Variants in PAFAH2 observed in about 807,000 individuals in gnomAD.
The protein encoded by PAFAH2 is platelet-activating factor acetylhydrolase 2, cytoplasmic.
A neutral mutation model predicts 49.0 loss-of-function variants in PAFAH2; 42 were observed. The observed-to-expected ratio is 0.86, with a 90% CI of 0.67 to 1.11. The LOEUF is 1.11. Ranked by LOEUF, PAFAH2 falls within the 50% of genes least tolerant of loss-of-function variation. The pLI, the probability that PAFAH2 is intolerant of heterozygous loss-of-function variation, is 0.00. For synonymous variants in PAFAH2, 184 were observed against 181.3 expected (o/e 1.01, Z -0.12); for missense variants, 503 against 501.8 (o/e 1.00, Z -0.02).
rs1557529134 is a variant in PAFAH2, at chr1:25,988,300, T to C, written c.272A>G (p.Asn91Ser). Reference protein sequence around the residue: ...VGSCRLPVSWNGPFKTKDSGY... With the variant: ...VGSCRLPVSWSGPFKTKDSGY... ...AGAGTCCTTTGTCTTAAAGGGGCCA[T>C]TCCAGCTAACAGGCAGGCGACAAGA... is the stretch of plus-strand genomic sequence containing the variant. The change falls in exon 4 of 11, where the codon AAT (asparagine) becomes AGT (serine). Residue 91 changes from asparagine (N) to serine (S), a missense_variant. Coordinates refer to ENST00000374282, the MANE Select transcript of PAFAH2 (RefSeq NM_000437.4). The C allele has an allele frequency of 6.2e-7, 1 of 1,611,446 alleles. No individual in the cohort carries two copies. The highest frequency in any genetic ancestry group is 1.3e-5 in the African/African-American group (1 of 74,838).
Position 25,974,517 on chromosome 1 carries a change from A to AT in PAFAH2, c.891dup (p.Cys298MetfsTer5), listed in dbSNP as rs2049558269. 6.2e-7 allele frequency: 1 copy of AT among 1,613,920 alleles called. No individual in the cohort carries two copies. The highest frequency in any genetic ancestry group is 1.1e-5 in the South Asian group (1 of 91,084). ...ATCCTAGACTGTTCATGCTGGGCAC[A>AT]TATCTTCTTCATCAAATTGACACTC... On this transcript the variant is annotated frameshift_variant, in exon 9 of 11. Transcript: ENST00000374282. LOFTEE classifies it high-confidence loss of function.
chr1:25,996,354 G>A (rs1194304703), intron 1 of PAFAH2, among the ~76,000 whole-genome samples: 1 of 152,160 alleles, frequency 6.6e-6, no homozygotes, highest in African/African-American at 2.4e-5. Context: ...GACAGAGCGA[G>A]GTCTTGTCTC....
chr1:25,980,611 T>TTTTATA (rs369555868), intron 7 of PAFAH2, among the ~76,000 whole-genome samples: 4,536 of 74,148 alleles, frequency 0.061, 194 homozygotes, highest in African/African-American at 0.12. Context: ...TGGGCCATAT[T>TTTTATA]TATATATATA....
rs746513922 is a variant in PAFAH2, at chr1:25,983,993, G to A, written c.505C>T (p.Arg169Cys). 7.4e-6 allele frequency: 12 copies of A among 1,614,022 alleles called. No homozygotes were observed. Among genetic ancestry groups the A allele is most frequent in the African/African-American group, 2.7e-5 (2 of 74,896 alleles). The change falls in exon 6 of 11, where the codon CGT becomes TGT. Residue 169 changes from arginine to cysteine, a missense_variant. By Grantham distance (180) the Arg-to-Cys change is radical (BLOSUM62 -3). Transcript: ENST00000374282. ...ESLQEEWIPF[R>C]RVEEGEKEFH... ...TCCTTCTCCCCTTCCTCAACTCGAC[G>A]GAAAGGGATCCATTCCTCCTGCAGC...
chr1:25,993,596 T>C (rs1163313992), intron 1 of PAFAH2, among the ~76,000 whole-genome samples: 1 of 152,208 alleles, frequency 6.6e-6, no homozygotes, highest in Non-Finnish European at 1.5e-5. Context: ...AGCATCTTCA[T>C]TTTGTTTCTT....
chr1:25,991,511 T>C (rs536555628), intron 1 of PAFAH2, among the ~76,000 whole-genome samples: 25 of 148,214 alleles, frequency 1.7e-4, no homozygotes, highest in Non-Finnish European at 3.0e-4. Flanking sequence ...CTTGATCTCC[T>C]GACCTCGTGA....
intron 2 of PAFAH2, 25 bp from the exon 3 acceptor site, chr1:25,989,626 C>A: frequency 6.7e-7 from 1 of 1,487,618 alleles, no homozygotes; most frequent in South Asian, 1.3e-5. Context: ...AGAGCAGCTG[C>A]TCAGAGCAAG....
intron 7 of PAFAH2, among the ~76,000 whole-genome samples, chr1:25,980,248 G>A (rs1015557004): frequency 6.6e-6 from 1 of 152,154 alleles, no homozygotes; most frequent in Non-Finnish European, 1.5e-5. Flanking sequence ...ATGTAAAGAG[G>A]TATGAATGCT....
At chr1:25,984,364 C>T (rs945692920) in intron 5 of PAFAH2, 96 bp downstream of exon 5, 27 of 940,000 alleles carry the variant, frequency 2.9e-5, no homozygotes, top group East Asian at 5.2e-5. Flanking sequence ...CTGGCTTGCA[C>T]GGTTGTCGAG....
chr1:25,968,913 T>C (rs939178332), intron 10 of PAFAH2, among the ~76,000 whole-genome samples: 5 of 152,034 alleles, frequency 3.3e-5, no homozygotes, highest in African/African-American at 1.2e-4. Context: ...CTGTCTTATC[T>C]CTTATCACTC....
chr1:25,984,291 C>G (rs1382034826), intron 5 of PAFAH2, among the ~76,000 whole-genome samples, 169 bp downstream of exon 5: 1 of 152,136 alleles, frequency 6.6e-6, no homozygotes, highest in African/African-American at 2.4e-5. Flanking sequence ...AGCTATGTCA[C>G]TTTTGGGAAA....
At chr1:25,971,847 ATGCTTTGTTTCTT>A (rs2049514114) in intron 10 of PAFAH2, among the ~76,000 whole-genome samples, 1 of 152,138 alleles carries the variant, frequency 6.6e-6, no homozygotes, top group African/African-American at 2.4e-5. Flanking sequence ...TAGTCCTTCC[ATGCTTTGTTTCTT>A]TAAAACACTT....
intron 7 of PAFAH2, among the ~76,000 whole-genome samples, chr1:25,979,647 C>T (rs2049651935): frequency 6.6e-6 from 1 of 152,092 alleles, no homozygotes; most frequent in South Asian, 2.1e-4. Context: ...GCCACCATGC[C>T]CAGCTAATTT....
At chr1:25,966,158 C>A (rs1468862259) in intron 10 of PAFAH2, among the ~76,000 whole-genome samples, 1 of 152,250 alleles carries the variant, frequency 6.6e-6, no homozygotes, top group East Asian at 1.9e-4. Flanking sequence ...AACACTTATG[C>A]ACCGTTGGTA....
At chr1:25,973,705 C>A (rs545366934) in intron 9 of PAFAH2, among the ~76,000 whole-genome samples, 1 of 152,286 alleles carries the variant, frequency 6.6e-6, no homozygotes, top group South Asian at 2.1e-4. Context: ...CCCCAGTGCT[C>A]GAGGGCTCTG....
intron 10 of PAFAH2, among the ~76,000 whole-genome samples, chr1:25,962,897 T>C (rs966706714): frequency 1.3e-5 from 2 of 151,252 alleles, no homozygotes; most frequent in African/African-American, 4.9e-5. Flanking sequence ...AAAAGCAGTA[T>C]CTGACAGCTC....
chr1:25,980,872 C>T (rs966953697), intron 7 of PAFAH2, among the ~76,000 whole-genome samples: 1 of 151,692 alleles, frequency 6.6e-6, no homozygotes, highest in Non-Finnish European at 1.5e-5. Flanking sequence ...AAAAAATTAG[C>T]TGGGCATGGT....
chr1:25,995,935 G>C (rs2049930643), intron 1 of PAFAH2, among the ~76,000 whole-genome samples: 1 of 152,108 alleles, frequency 6.6e-6, no homozygotes, highest in African/African-American at 2.4e-5. Flanking sequence ...TAAAAATAAG[G>C]CTATATGAAA....
chr1:25,986,965 C>T (rs2049790549), intron 4 of PAFAH2, among the ~76,000 whole-genome samples: 1 of 151,976 alleles, frequency 6.6e-6, no homozygotes, highest in African/African-American at 2.4e-5. Context: ...ATCTCCCTGA[C>T]AGGCGCGGTG....
Sources: gnomAD v4.1 joint callset for allele counts (sites outside exome capture counted in the v4.1 genomes callset) on GRCh38, gnomAD v4.1.1 for gene constraint, MANE v1.5 for transcripts, NCBI Gene and HGNC (gene_info 2026-07-23, HGNC 2026-07-21) for gene names.